GLDC: variants seen among roughly 807,000 people sequenced by gnomAD.
GLDC encodes the protein glycine decarboxylase.
In GLDC, 104 loss-of-function variants were observed where a neutral mutation model predicts 121.3. The observed-to-expected ratio is 0.86, with a 90% CI of 0.73 to 1.01. GLDC has a LOEUF of 1.01. Ranked by LOEUF, GLDC falls within the 50% of genes least tolerant of loss-of-function variation. The pLI, the probability that GLDC is intolerant of heterozygous loss-of-function variation, is 0.00. For synonymous variants in GLDC, 546 were observed against 480.6 expected (o/e 1.14, Z -1.78); for missense variants, 1,429 against 1,306.6 (o/e 1.09, Z -1.44).
intron 22 of GLDC, among the ~76,000 whole-genome samples, chr9:6,539,531 G>T (rs550878940): frequency 5.6e-4 from 86 of 152,256 alleles, no homozygotes; most frequent in African/African-American, 2.0e-3. Flanking sequence ...TAATAACATT[G>T]TTCACTAGGA....
chr9:6,554,956 T>C, intron 18 of GLDC, 175 bp from the exon 19 acceptor site: 1 of 671,870 alleles, frequency 1.5e-6, no homozygotes, highest in Non-Finnish European at 2.7e-6. Flanking sequence ...AGTCACAAAC[T>C]GGCATCCGAT....
chr9:6,618,864 C>T (rs1405020005), intron 3 of GLDC, among the ~76,000 whole-genome samples: 1 of 151,294 alleles, frequency 6.6e-6, no homozygotes, highest in Non-Finnish European at 1.5e-5. Flanking sequence ...AGTGACTTGG[C>T]TGGGCGCGGT....
At chr9:6,612,030 T>G (rs909529064) in intron 3 of GLDC, among the ~76,000 whole-genome samples, 1 of 152,056 alleles carries the variant, frequency 6.6e-6, no homozygotes, top group Non-Finnish European at 1.5e-5. Context: ...ATGACCCCAT[T>G]TCTGTTCAGA....
At chr9:6,644,063 G>GA (rs1819687467) in intron 2 of GLDC, among the ~76,000 whole-genome samples, 1 of 77,500 alleles carries the variant, frequency 1.3e-5, no homozygotes, top group Non-Finnish European at 2.6e-5. Flanking sequence ...AAAAAAAAAA[G>GA]AAAAGAAAAG....
chr9:6,608,607 G>A (rs577119643), intron 4 of GLDC, among the ~76,000 whole-genome samples: 179 of 150,530 alleles, frequency 1.2e-3, no homozygotes, highest in African/African-American at 1.5e-3. Context: ...TTAGCCGGGC[G>A]TGGTGGCAGG....
At chr9:6,557,498 G>A (rs1817659511) in intron 17 of GLDC, among the ~76,000 whole-genome samples, 1 of 152,152 alleles carries the variant, frequency 6.6e-6, no homozygotes, top group Admixed American at 6.5e-5. Flanking sequence ...GGAGGCTGAG[G>A]CAGGAGAATT....
chr9:6,599,720 C>CAAAAAA (rs549444099), intron 8 of GLDC, among the ~76,000 whole-genome samples: 5 of 120,770 alleles, frequency 4.1e-5, no homozygotes, highest in African/African-American at 1.7e-4. Flanking sequence ...GACTCCATCT[C>CAAAAAA]AAAAAAAAAA....
At chr9:6,577,409 A>T (rs1410586018) in intron 15 of GLDC, among the ~76,000 whole-genome samples, 2 of 152,162 alleles carry the variant, frequency 1.3e-5, no homozygotes, top group Non-Finnish European at 2.9e-5. Flanking sequence ...TTCAAAGCCA[A>T]CCTTATCCCA....
intron 21 of GLDC, among the ~76,000 whole-genome samples, chr9:6,546,618 C>T (rs1002019858): frequency 6.6e-6 from 1 of 152,018 alleles, no homozygotes; most frequent in African/African-American, 2.4e-5. Context: ...CGCCCTGAAG[C>T]TGTTTTACAG....
intron 11 of GLDC, among the ~76,000 whole-genome samples, chr9:6,589,738 T>C (rs1362531849): frequency 6.6e-6 from 1 of 152,080 alleles, no homozygotes; most frequent in Non-Finnish European, 1.5e-5. Context: ...AAGATGTAAA[T>C]TTAAAAGCTA....
intron 20 of GLDC, among the ~76,000 whole-genome samples, chr9:6,551,801 G>T (rs1563833763): frequency 6.6e-6 from 1 of 152,158 alleles, no homozygotes; most frequent in African/African-American, 2.4e-5. Context: ...CTGTCATCTG[G>T]GAGTGGATGT....
At chr9:6,597,709 G>C (rs748339043) in intron 8 of GLDC, among the ~76,000 whole-genome samples, 1 of 152,208 alleles carries the variant, frequency 6.6e-6, no homozygotes, top group Non-Finnish European at 1.5e-5. Flanking sequence ...GGCTGAGGCA[G>C]GTGGATCATG....
rs766474326 is a variant in GLDC at position 6,645,289 on chromosome 9, C to A, written c.211G>T (p.Gly71Trp). Residue 71 changes from glycine to tryptophan, a missense_variant, in exon 1 of 25, where the codon GGG becomes TGG. Gly to Trp is a radical substitution (Grantham distance 184). Coordinates refer to ENST00000321612, the MANE Select transcript of GLDC (RefSeq NM_000170.3). Reference sequence around the variant, plus strand: ...AGCATCTCTCTCTGGTCTTTGTCCCCAGGGCCGATGTGCCTCCGAGCGAAG... The same window carrying A: ...AGCATCTCTCTCTGGTCTTTGTCCCAAGGGCCGATGTGCCTCCGAGCGAAG... ...DDFARRHIGP[G>W]DKDQREMLQT... is the part of the protein sequence containing the mutation. The A allele has an allele frequency of 3.1e-6, 5 of 1,603,206 alleles. No homozygotes were observed. Among genetic ancestry groups the A allele is most frequent in the Non-Finnish European group, 1.7e-6 (2 of 1,175,572 alleles).
intron 3 of GLDC, among the ~76,000 whole-genome samples, chr9:6,612,237 T>C (rs73402959): frequency 0.032 from 4,466 of 138,200 alleles, 209 homozygotes; most frequent in African/African-American, 0.11. Context: ...ACACACACTC[T>C]TTCTCTCTCT....
intron 21 of GLDC, among the ~76,000 whole-genome samples, chr9:6,545,979 A>T (rs1432156362): frequency 2.6e-5 from 4 of 152,090 alleles, no homozygotes; most frequent in Admixed American, 6.6e-5. Flanking sequence ...AATTTTTTAA[A>T]CCTTTCTGAC....
rs1587923595 is a variant in GLDC, at chr9:6,554,887, C to T, written c.2203-106G>A. The stretch of plus-strand genomic sequence containing the variant: ...CTGCCTTCTCCCCTCAGAGGAAAAG[C>T]AGGCAGAGCCACATCCATGGTGTTC... On this transcript the variant is annotated intron_variant, in intron 18 of 24. Coordinates refer to ENST00000321612, the MANE Select transcript of GLDC (RefSeq NM_000170.3). 1.3e-5 allele frequency: 10 copies of T among 789,006 alleles called. No individual in the cohort carries two copies. In the East Asian group the frequency reaches 1.9e-4, roughly 15 times the overall value. The allele number at this position is 789,006 out of a possible 1,614,324, so 48.9% of individuals were successfully genotyped here.
At chr9:6,547,373 T>C (rs183169047) in intron 21 of GLDC, among the ~76,000 whole-genome samples, 109 of 152,274 alleles carry the variant, frequency 7.2e-4, no homozygotes, top group Non-Finnish European at 1.3e-3. Flanking sequence ...TAGGGAAACA[T>C]TGAGCGCATT....
At chr9:6,550,487 C>G (rs1817489696) in intron 21 of GLDC, among the ~76,000 whole-genome samples, 1 of 152,124 alleles carries the variant, frequency 6.6e-6, no homozygotes, top group African/African-American at 2.4e-5. Context: ...ATTAGCCGGG[C>G]ATGGTGGTGC....
At chr9:6,610,104 G>C (rs1818821006) in intron 4 of GLDC, 88 bp downstream of exon 4, 2 of 1,019,908 alleles carry the variant, frequency 2.0e-6, no homozygotes, top group Non-Finnish European at 3.0e-6. Flanking sequence ...GCTGACTAAA[G>C]TAATATTCAC....
Sources: gnomAD v4.1 joint callset for allele counts (sites outside exome capture counted in the v4.1 genomes callset) on GRCh38, gnomAD v4.1.1 for gene constraint, MANE v1.5 for transcripts, NCBI Gene and HGNC (gene_info 2026-07-23, HGNC 2026-07-21) for gene names.